Variants in EPHB6 observed in about 807,000 individuals in gnomAD.
EPHB6 encodes EPH receptor B6.
A neutral mutation model predicts 107.0 loss-of-function variants in EPHB6; 51 were observed. The ratio of observed to expected loss-of-function variants is 0.48; its 90% CI spans 0.38 to 0.60. EPHB6 has a LOEUF of 0.60. Among genes scored for constraint, EPHB6 ranks in the 20% least tolerant of loss-of-function variants. The pLI is 0.00. For synonymous variants in EPHB6, 553 were observed against 549.0 expected (o/e 1.01, Z -0.10); for missense variants, 1,141 against 1,355.5 (o/e 0.84, Z 2.48).
chr7:142,857,798 G>A (rs140395128), intron 1 of EPHB6, among the ~76,000 whole-genome samples: 2 of 152,306 alleles, frequency 1.3e-5, no homozygotes, highest in African/African-American at 4.8e-5. Context: ...TCGAAGAGAA[G>A]CATGCATGAT....
At position 142,864,728 on chromosome 7, in the gene EPHB6, C is replaced by G. The variant is rs528051156; in HGVS notation, c.928C>G (p.Arg310Gly). The G allele has an allele frequency of 1.2e-6, 2 of 1,612,876 alleles. No homozygotes were observed. Among genetic ancestry groups the G allele is most frequent in the Admixed American group, 1.7e-5 (1 of 60,022 alleles). Residue 310 changes from arginine (R) to glycine (G), a missense_variant, in exon 7 of 20, where the codon CGA (arginine) becomes GGA (glycine). Arg to Gly is a moderately radical substitution (Grantham distance 125, BLOSUM62 -2). Around this residue, in one of 3 missense-constraint regions of EPHB6, gnomAD observed 304 missense variants for 295.7 expected, o/e 1.03. Transcript: ENST00000652003. ...CTGCCAGCCTGGATACCAACCAGCA[C>G]GAGGAGACAAGGCCTGCCAAGGTGA... ...CRCQPGYQPA[R>G]GDKACQACPR...
rs1313607891 is a variant in EPHB6 at position 142,868,553 on chromosome 7, G to A, written c.2100G>A (p.Val700=). The A allele has an allele frequency of 6.2e-7, 1 of 1,613,638 alleles. No homozygotes were observed. Among genetic ancestry groups the A allele is most frequent in the South Asian group, 1.1e-5 (1 of 91,074 alleles). ...LQPRGRREQT[V]AIQALWAGGA... ...CACGGGGACGGAGGGAGCAGACTGT[G>A]GCCATCCAGGCCCTGTGGGCCGGGG... Residue 700 remains valine, a synonymous_variant, in exon 15 of 20, where the codon GTG becomes GTA. Transcript: ENST00000652003. This position sits in a 1 kb window ranked among gnomAD's most constrained non-coding sequence, Gnocchi z 4.2.
rs367981413 is a variant in EPHB6, at chr7:142,870,192, A to G, written c.2611-22A>G. 1.3e-5 allele frequency: 21 copies of G among 1,613,826 alleles called. No individual in the cohort carries two copies. The African/African-American group carries it at 2.4e-4, about 18-fold the overall frequency. On this transcript the variant is annotated intron_variant, in intron 17 of 19. Transcript: ENST00000652003. ...TCTACTAACAAAACTTCCCATCGTC[A>G]TAGTCTTCCTCTGACCCCCAGGTAC...
Position 142,870,556 on chromosome 7 carries a change from T to C in EPHB6, c.2831T>C (p.Val944Ala), listed in dbSNP as rs1176462743. The change falls in exon 19 of 20, where the codon GTG becomes GCG. Residue 944 changes from valine to alanine, a missense_variant. Coordinates refer to ENST00000652003, the MANE Select transcript of EPHB6 (RefSeq NM_004445.6). Reference protein sequence around the residue: ...ERPSQALLTPVALDFPCLDSP... With the variant: ...ERPSQALLTPAALDFPCLDSP... ...CCTTCCCAGGCCCTTCTGACCCCTG[T>C]GGCCCTGGACTTTCCTTGTCTGGAC... 6 of 1,614,110 alleles carry C rather than the reference T, an allele frequency of 3.7e-6. No individual in the cohort carries two copies. The highest frequency in any genetic ancestry group is 5.1e-6 in the Non-Finnish European group (6 of 1,180,038).
At position 142,866,666 on chromosome 7, in the gene EPHB6, G is replaced by T; in HGVS notation, c.1587+61G>T. 3.1e-6 allele frequency: 5 copies of T among 1,612,322 alleles called. No individual in the cohort carries two copies. In the South Asian group the frequency reaches 5.5e-5, roughly 18 times the overall value. ...GGTAGGAGCTCATAGGCCTCACAGT[G>T]GGGCCCAGAGGTGACCAGGTGCACA... is the stretch of plus-strand genomic sequence containing the variant. On this transcript the variant is annotated intron_variant, in intron 10 of 19. Transcript: ENST00000652003. This position sits in a 1 kb window ranked among gnomAD's most constrained non-coding sequence, Gnocchi z 5.2.
Position 142,869,621 on chromosome 7 carries a change from T to G in EPHB6, c.2461-196T>G, listed in dbSNP as rs1440811797. Among the ~76,000 whole-genome samples the G allele has an allele frequency of 1.3e-5, 2 of 152,034 alleles. No homozygotes were observed. Among genetic ancestry groups the G allele is most frequent in the Admixed American group, 1.3e-4 (2 of 15,284 alleles). On this transcript the variant is annotated intron_variant, in intron 16 of 19. Transcript: ENST00000652003. This position sits in a 1 kb window ranked among gnomAD's most constrained non-coding sequence, Gnocchi z 4.5. The stretch of plus-strand genomic sequence containing the variant: ...ACCCTTAACATATCTGAGCACATAG[T>G]AGTTGCTCCATAAACGTGACTATTG...
chr7:142,867,444 G>C lies in EPHB6; in HGVS notation c.1751-164G>C. 1.4e-6 allele frequency: 1 copy of C among 696,188 alleles called. No individual in the cohort carries two copies. The highest frequency in any genetic ancestry group is 2.6e-6 in the Non-Finnish European group (1 of 384,340). 43.1% of individuals were successfully genotyped at this position (696,188 alleles called of 1,614,324 possible). A position where few individuals can be genotyped will look rare whatever the true frequency, so the allele number is the denominator to read the frequency against. On this transcript the variant is annotated intron_variant, in intron 11 of 19. Coordinates refer to ENST00000652003, the MANE Select transcript of EPHB6 (RefSeq NM_004445.6). This position sits in a 1 kb window ranked among gnomAD's most constrained non-coding sequence, Gnocchi z 5.3. ...CCCTGTGTGTGGATGTGGGAGGGCT[G>C]TGGGCGTGTGTGTGTGTTGTGTGTC...
chr7:142,867,667 G>T lies in EPHB6; in HGVS notation c.1810G>T (p.Ala604Ser). 1.2e-6 allele frequency: 2 copies of T among 1,613,572 alleles called. No homozygotes were observed. Among genetic ancestry groups the T allele is most frequent in the Admixed American group, 1.7e-5 (1 of 59,996 alleles). The change falls in exon 12 of 20, where the codon GCT becomes TCT. Residue 604 changes from alanine to serine, a missense_variant. By Grantham distance (99) the Ala-to-Ser change is moderately conservative. This residue lies in a region of EPHB6 where 616 missense variants were observed against 759.3 expected (regional missense o/e 0.81). Transcript: ENST00000652003. The surrounding 1 kb of genome is among the most constrained non-coding windows in gnomAD (Gnocchi z 5.3). ...CTTGGTGATCGGCTCCATCCTGGGG[G>T]CTTTGGCCTTCCTCCTGCTGGCAGC... ...LSLVIGSILG[A>S]LAFLLLAAIT...
In EPHB6 at chr7:142,864,330, C is replaced by T. The variant is rs762655099; in HGVS notation, c.530C>T (p.Ser177Phe). ...SSSSSSSSSS[S>F]AAWAVGPHGA... is the part of the protein sequence containing the mutation. Reference sequence around the variant, plus strand: ...TCCTCCTCCTCCTCCTCTTCTTCCTCTGCAGCGTGGGCTGTGGGACCCCAC... The same window carrying T: ...TCCTCCTCCTCCTCCTCTTCTTCCTTTGCAGCGTGGGCTGTGGGACCCCAC... Residue 177 changes from serine (S) to phenylalanine (F), a missense_variant, in exon 7 of 20, where the codon TCT becomes TTT. Physicochemically the swap from Ser to Phe is radical, Grantham distance 155 (BLOSUM62 -2). Around this residue, in one of 3 missense-constraint regions of EPHB6, gnomAD observed 221 missense variants for 300.5 expected, o/e 0.74. Transcript: ENST00000652003. 8.1e-6 allele frequency: 13 copies of T among 1,613,350 alleles called. No homozygotes were observed. The highest frequency in any genetic ancestry group is 1.0e-5 in the Non-Finnish European group (12 of 1,180,048).
Position 142,867,232 on chromosome 7 carries a change from C to T in EPHB6, c.1750+164C>T, listed in dbSNP as rs566950822. 9.5e-6 allele frequency: 8 copies of T among 846,394 alleles called. No homozygotes were observed. Among genetic ancestry groups the T allele is most frequent in the South Asian group, 3.5e-5 (2 of 57,052 alleles). 52.4% of individuals were successfully genotyped at this position (846,394 alleles called of 1,614,324 possible). ...CTCAGCAGCTGACCTAGGGGCTACTCGGGGAGGTGGGGAATTGTAGGGGTA... is the reference window on the plus strand; with the variant it reads ...CTCAGCAGCTGACCTAGGGGCTACTTGGGGAGGTGGGGAATTGTAGGGGTA... On this transcript the variant is annotated intron_variant, in intron 11 of 19. Coordinates refer to ENST00000652003, the MANE Select transcript of EPHB6 (RefSeq NM_004445.6). This position sits in a 1 kb window ranked among gnomAD's most constrained non-coding sequence, Gnocchi z 5.3.
At chr7:142,861,030 T>C (rs754992659) in intron 1 of EPHB6, 22 bp from the exon 2 acceptor site, 1 of 152,146 alleles carries the variant, frequency 6.6e-6, no homozygotes, top group Non-Finnish European at 1.5e-5. Flanking sequence ...CTGGGCAACA[T>C]GTCTCTTTTT....
chr7:142,866,507 C>G lies in EPHB6; in HGVS notation c.1489C>G (p.Gln497Glu). 6.2e-7 allele frequency: 1 copy of G among 1,614,144 alleles called. No homozygotes were observed. Among genetic ancestry groups the G allele is most frequent in the East Asian group, 2.2e-5 (1 of 44,882 alleles). Residue 497 changes from glutamine (Q) to glutamate (E), a missense_variant, in exon 10 of 20, where the codon CAG becomes GAG. Gln to Glu is a conservative substitution (Grantham distance 29). Around this residue, in one of 3 missense-constraint regions of EPHB6, gnomAD observed 616 missense variants for 759.3 expected, o/e 0.81. Transcript: ENST00000652003. This position sits in a 1 kb window ranked among gnomAD's most constrained non-coding sequence, Gnocchi z 5.2. ...GCCCTCTGCTGTCCCTGTGGTGCAC[C>G]AGGTGAGCCGGGCATCCAACAGCAT... Reference protein sequence around the residue: ...EVPSAVPVVHQVSRASNSITV... With the variant: ...EVPSAVPVVHEVSRASNSITV...
intron 8 of EPHB6, 102 bp from the exon 9 acceptor site, chr7:142,865,858 C>A: frequency 7.5e-7 from 1 of 1,325,482 alleles, no homozygotes; most frequent in South Asian, 1.2e-5. Flanking sequence ...CTTCTGTCTC[C>A]TTCCCTCTCG....
chr7:142,857,058 C>G (rs1802642354), intron 1 of EPHB6, among the ~76,000 whole-genome samples: 1 of 152,240 alleles, frequency 6.6e-6, no homozygotes, highest in South Asian at 2.1e-4. Context: ...CCCTTATGCT[C>G]TTTTCCAGAG....
chr7:142,863,977 G>C lies in EPHB6; in HGVS notation c.177G>C (p.Val59=), dbSNP rs1219487430. 1 of 1,614,236 alleles carries C rather than the reference G, an allele frequency of 6.2e-7. No homozygotes were observed. ...GGCCCTTCCTGCAGTGGGACGAGGT[G>C]AGTGTTCTGGACGACCAGCGACGCC... The part of the protein sequence containing the change: ...LTYPPGGWDE[V]SVLDDQRRLT... The change falls in exon 7 of 20, where the codon GTG becomes GTC. Residue 59 remains valine (V), a synonymous_variant. Transcript: ENST00000652003.
In EPHB6 at chr7:142,865,950, G is replaced by T; in HGVS notation, c.1106-10G>T. 1 of 1,613,260 alleles carries T rather than the reference G, an allele frequency of 6.2e-7. No homozygotes were observed. ...TGGCCCTTGGACTGCCATATCCTCCGGCCCCCCAGGTCCTCCATCGGCTCC... is the reference window on the plus strand; with the variant it reads ...TGGCCCTTGGACTGCCATATCCTCCTGCCCCCCAGGTCCTCCATCGGCTCC... On this transcript the variant is annotated splice_polypyrimidine_tract_variant and intron_variant, in intron 8 of 19. Transcript: ENST00000652003.
chr7:142,861,879 A>G (rs1802856874), intron 2 of EPHB6, 138 bp from the exon 3 acceptor site: 1 of 152,236 alleles, frequency 6.6e-6, no homozygotes, highest in Non-Finnish European at 1.5e-5. Flanking sequence ...TTTGGATTCA[A>G]GCAGAGTATG....
Position 142,867,169 on chromosome 7 carries a change from C to T in EPHB6, c.1750+101C>T. The T allele has an allele frequency of 6.9e-7, 1 of 1,444,414 alleles. No individual in the cohort carries two copies. The highest frequency in any genetic ancestry group is 9.3e-7 in the Non-Finnish European group (1 of 1,076,244). 89.5% of individuals were successfully genotyped at this position (1,444,414 alleles called of 1,614,324 possible). A position where few individuals can be genotyped will look rare whatever the true frequency, so the allele number is the denominator to read the frequency against. ...GCCTTGAACCCTGGCCCCGTGCTTCCCAACCAGAAGTTCTGTGGGAAAGGA... is the reference window on the plus strand; with the variant it reads ...GCCTTGAACCCTGGCCCCGTGCTTCTCAACCAGAAGTTCTGTGGGAAAGGA... On this transcript the variant is annotated intron_variant, in intron 11 of 19. Coordinates refer to ENST00000652003, the MANE Select transcript of EPHB6 (RefSeq NM_004445.6). The surrounding 1 kb of genome is among the most constrained non-coding windows in gnomAD (Gnocchi z 5.3).
At chr7:142,859,007 T>C (rs1335479871) in intron 1 of EPHB6, among the ~76,000 whole-genome samples, 1 of 152,238 alleles carries the variant, frequency 6.6e-6, no homozygotes, top group East Asian at 1.9e-4. Context: ...TTCTCCACCA[T>C]TGTTTTATGT....
Sources: allele counts gnomAD v4.1 joint callset (sites outside exome capture counted in the v4.1 genomes callset), GRCh38; gene constraint gnomAD v4.1.1; regional missense constraint gnomAD v4.1.1; non-coding constraint Gnocchi (gnomAD v3.1); transcripts MANE v1.5; gene names NCBI Gene and HGNC (gene_info 2026-07-23, HGNC 2026-07-21).